Variants in ITSN2 observed in about 807,000 individuals in gnomAD.
ITSN2 encodes intersectin 2, also known as intersectin-2.
A neutral mutation model predicts 243.7 loss-of-function variants in ITSN2; 156 were observed. The ratio of observed to expected loss-of-function variants is 0.64; its 90% CI spans 0.56 to 0.73. The LOEUF is 0.73. Ranked by LOEUF, ITSN2 falls within the 30% of genes least tolerant of loss-of-function variation. ITSN2 has a pLI of 0.00. For missense variants in ITSN2, 1,801 were observed against 1,996.1 expected (o/e 0.90, Z 1.86); for synonymous variants, 703 against 699.9 (o/e 1.00, Z -0.07).
At chr2:24,209,335 GGTCTAGC>G in intron 35 of ITSN2, 114 bp from the exon 36 acceptor site, 1 of 1,204,408 alleles carries the variant, frequency 8.3e-7, no homozygotes, top group Non-Finnish European at 1.2e-6. Flanking sequence ...AGGAGAAAGG[GGTCTAGC>G]GTCTAAGGTC....
rs764772611 is a variant in ITSN2, at chr2:24,299,933, C to A, written c.1320G>T (p.Arg440Ser). ...CCTCTCGTCTTTCTATGTCTTTTCT[C>A]CTTTCTTCCTCTCGTTGTCTCTCCA... ...RELERQREEE[R>S]RKDIERREAA... Residue 440 changes from arginine to serine, a missense_variant, in exon 12 of 40, where the codon AGG becomes AGT. By Grantham distance (110) the Arg-to-Ser change is moderately radical. Transcript: ENST00000355123. 3.1e-6 allele frequency: 5 copies of A among 1,610,804 alleles called. No homozygotes were observed. The East Asian group carries it at 1.1e-4, about 36-fold the overall frequency.
chr2:24,337,315 A>AATATATATATATATACAC (rs70944741), intron 1 of ITSN2, among the ~76,000 whole-genome samples: 1 of 32,026 alleles, frequency 3.1e-5, no homozygotes, highest in African/African-American at 1.1e-4. Context: ...GTATACACAA[A>AATATATATATATATACAC]ATATATATAT....
At chr2:24,334,739 T>G in intron 1 of ITSN2, 1 of 1,583,636 alleles carries the variant, frequency 6.3e-7, no homozygotes, top group Non-Finnish European at 8.6e-7. Context: ...TGAGCCCAAC[T>G]GCAGATCTAA....
rs781445801 is a variant in ITSN2, at chr2:24,203,618, T to C, written c.*8A>G. ...GGGCTGTCCCGCTGGTGCTGTCCTTTAGAACCCCTACAGGAGAGTTTTTTG... is the reference window on the plus strand; with the variant it reads ...GGGCTGTCCCGCTGGTGCTGTCCTTCAGAACCCCTACAGGAGAGTTTTTTG... On this transcript the variant is annotated 3_prime_UTR_variant, in exon 40 of 40. Coordinates refer to ENST00000355123, the MANE Select transcript of ITSN2 (RefSeq NM_006277.3). 22 of 1,612,492 alleles carry C rather than the reference T, an allele frequency of 1.4e-5. No homozygotes were observed. The highest frequency in any genetic ancestry group is 1.9e-5 in the Non-Finnish European group (22 of 1,179,226).
chr2:24,321,619 T>A lies in ITSN2; in HGVS notation c.32-6395A>T, dbSNP rs149725661. Among the ~76,000 whole-genome samples the A allele has an allele frequency of 3.1e-3, 466 of 152,300 alleles. 7 individuals carry two copies. The highest frequency in any genetic ancestry group is 0.02 in the Admixed American group (307 of 15,290). Reference sequence around the variant, plus strand: ...AAATAAAGAAATACCACATATGTAGTAAAAATCCTACTTGGGTTATCAGTT... The same window carrying A: ...AAATAAAGAAATACCACATATGTAGAAAAAATCCTACTTGGGTTATCAGTT... On this transcript the variant is annotated intron_variant, in intron 2 of 39. Coordinates refer to ENST00000355123, the MANE Select transcript of ITSN2 (RefSeq NM_006277.3).
At chr2:24,344,893 A>C (rs1687378552) in intron 1 of ITSN2, among the ~76,000 whole-genome samples, 1 of 152,230 alleles carries the variant, frequency 6.6e-6, no homozygotes, top group South Asian at 2.1e-4. Flanking sequence ...CAGAGGTTGC[A>C]GTGAGCCCAG....
At chr2:24,295,152 T>C (rs1680776751) in intron 14 of ITSN2, among the ~76,000 whole-genome samples, 2 of 152,212 alleles carry the variant, frequency 1.3e-5, no homozygotes, top group Admixed American at 1.3e-4. Context: ...CTTACGTATA[T>C]ATATTAAGCA....
intron 2 of ITSN2, among the ~76,000 whole-genome samples, chr2:24,324,014 C>T (rs538797386): frequency 1.3e-5 from 2 of 152,084 alleles, no homozygotes; most frequent in Non-Finnish European, 2.9e-5. Flanking sequence ...GGGTGGATCA[C>T]GAGGTCAGGA....
At chr2:24,357,623 G>T (rs1688572114) in intron 1 of ITSN2, among the ~76,000 whole-genome samples, 1 of 151,910 alleles carries the variant, frequency 6.6e-6, no homozygotes, top group Admixed American at 6.6e-5. Context: ...CGGCACACAA[G>T]AAAGTCTGCC....
rs1307085734 is a variant in ITSN2, at chr2:24,203,580, G to A, written c.*46C>T. 2 of 1,580,362 alleles carry A rather than the reference G, an allele frequency of 1.3e-6. No individual in the cohort carries two copies. Among genetic ancestry groups the A allele is most frequent in the East Asian group, 2.3e-5 (1 of 44,368 alleles). On this transcript the variant is annotated 3_prime_UTR_variant, in exon 40 of 40. Coordinates refer to ENST00000355123, the MANE Select transcript of ITSN2 (RefSeq NM_006277.3). ...AGAGAGCGCAGTCTCTCATTCTCCA[G>A]CCCCAGCCTTGTGGGCTGTCCCGCT...
At chr2:24,334,556 T>C (rs1012731087) in intron 1 of ITSN2, 6 of 911,772 alleles carry the variant, frequency 6.6e-6, no homozygotes, top group Admixed American at 1.7e-5. Context: ...GTAAGAAGTG[T>C]GGCAAGCACC....
chr2:24,341,302 A>G (rs1687022641), intron 1 of ITSN2, among the ~76,000 whole-genome samples: 1 of 152,202 alleles, frequency 6.6e-6, no homozygotes, highest in Admixed American at 6.5e-5. Context: ...CTAGAAACCC[A>G]GATTTCGTAG....
chr2:24,354,882 T>C lies in ITSN2; in HGVS notation c.-34+5422A>G, dbSNP rs774122022. On this transcript the variant is annotated intron_variant, in intron 1 of 39. Transcript: ENST00000355123. ...CCACTAAATGTCTGCCATAATCCAC[T>C]GCTGAATAGCTCCACAAGTAAATAA... Among the ~76,000 whole-genome samples, 117 of 152,246 alleles carry C rather than the reference T, an allele frequency of 7.7e-4. 3 individuals are homozygous for C. Among genetic ancestry groups the C allele is most frequent in the Non-Finnish European group, 2.2e-4 (15 of 68,036 alleles).
At chr2:24,295,635 T>C in intron 14 of ITSN2, 29 bp downstream of exon 14, 1 of 1,479,392 alleles carries the variant, frequency 6.8e-7, no homozygotes, top group Non-Finnish European at 8.9e-7. Flanking sequence ...TGTACATGTT[T>C]AAGAACAATT....
rs1668626716 is a variant in ITSN2 at position 24,204,406 on chromosome 2, G to A, written c.4775C>T (p.Pro1592Leu). 6.2e-7 allele frequency: 1 copy of A among 1,614,002 alleles called. No individual in the cohort carries two copies. The highest frequency in any genetic ancestry group is 1.3e-5 in the African/African-American group (1 of 74,906). ...GGAGCCCATGCTGATTTCACAGTAT[G>A]GGTTGCTCTTTCCTGAACAAAAACA... The part of the protein sequence containing the change: ...KACKPNGKSN[P>L]YCEISMGSQS... The change falls in exon 39 of 40, where the codon CCA (proline) becomes CTA (leucine). Residue 1592 changes from proline (P) to leucine (L), a missense_variant. Pro to Leu is a moderately conservative substitution (Grantham distance 98). This residue lies in a region of ITSN2 where 928 missense variants were observed against 1,065.4 expected (regional missense o/e 0.87). Coordinates refer to ENST00000355123, the MANE Select transcript of ITSN2 (RefSeq NM_006277.3). The surrounding 1 kb of genome is among the most constrained non-coding windows in gnomAD (Gnocchi z 5.1).
In ITSN2 at chr2:24,226,451, G is replaced by A. The variant is rs112561862; in HGVS notation, c.3578-5385C>T. 9.5e-4 allele frequency among the ~76,000 whole-genome samples: 144 copies of A among 152,226 alleles called. 1 individual carries two copies. Among genetic ancestry groups the A allele is most frequent in the Middle Eastern group, 3.4e-3 (1 of 294 alleles). On this transcript the variant is annotated intron_variant, in intron 29 of 39. Transcript: ENST00000355123. ...TGTTAAGTAATGAATGGAAATGCTG[G>A]GCTTGCATCTTACACAAACTTGGAG...
At chr2:24,301,761 T>C (rs1681774468) in intron 10 of ITSN2, among the ~76,000 whole-genome samples, 1 of 152,124 alleles carries the variant, frequency 6.6e-6, no homozygotes, top group Non-Finnish European at 1.5e-5. Context: ...CCCGGCCTCA[T>C]GTGATCCTCC....
intron 1 of ITSN2, among the ~76,000 whole-genome samples, chr2:24,333,997 C>A (rs1272209146): frequency 6.6e-6 from 1 of 152,078 alleles, no homozygotes; most frequent in Non-Finnish European, 1.5e-5. Context: ...TCAAGTGATT[C>A]TCCTGCCTCA....
intron 13 of ITSN2, among the ~76,000 whole-genome samples, chr2:24,297,083 C>T (rs1337375774): frequency 6.6e-6 from 1 of 152,066 alleles, no homozygotes; most frequent in Admixed American, 6.5e-5. Flanking sequence ...AAGTTTTTTA[C>T]AACTGTTTTG....
Sources: gnomAD v4.1 joint callset for allele counts (sites outside exome capture counted in the v4.1 genomes callset) on GRCh38, gnomAD v4.1.1 for gene constraint, gnomAD v4.1.1 regional missense constraint, Gnocchi (gnomAD v3.1) non-coding constraint, MANE v1.5 for transcripts, NCBI Gene and HGNC (gene_info 2026-07-23, HGNC 2026-07-21) for gene names.